The following PKP4 variants were observed in gnomAD, a reference collection of about 807,000 sequenced individuals.
PKP4 encodes plakophilin-4.
Under a neutral mutation model 145.1 loss-of-function variants are expected in PKP4, and 90 were observed. The ratio of observed to expected loss-of-function variants is 0.62; its 90% CI spans 0.52 to 0.74. The LOEUF is 0.74. Ranked by LOEUF, PKP4 falls within the 30% of genes least tolerant of loss-of-function variation. PKP4 has a pLI of 0.00. For synonymous variants in PKP4, 563 were observed against 577.2 expected (o/e 0.98, Z 0.35); for missense variants, 1,340 against 1,482.7 (o/e 0.90, Z 1.58).
chr2:158,677,371 A>G (rs2058095326), intron 20 of PKP4: 1 of 153,790 alleles, frequency 6.5e-6, no homozygotes, highest in Non-Finnish European at 1.3e-5. Flanking sequence ...TCTCAACGTG[A>G]TTATTTTTTA....
chr2:158,593,360 C>G (rs1004047043), intron 3 of PKP4, among the ~76,000 whole-genome samples: 3 of 152,104 alleles, frequency 2.0e-5, no homozygotes, highest in African/African-American at 7.2e-5. Flanking sequence ...GAAAACCTTC[C>G]TTTTCTGATT....
At position 158,599,406 on chromosome 2, in the gene PKP4, T is replaced by C. The variant is rs558226197; in HGVS notation, c.246-3664T>C. Among the ~76,000 whole-genome samples, 10 of 152,304 alleles carry C rather than the reference T, an allele frequency of 6.6e-5. No homozygotes were observed. In the South Asian group the frequency reaches 1.9e-3, roughly 28 times the overall value. On this transcript the variant is annotated intron_variant, in intron 3 of 21. Coordinates refer to ENST00000389759, the MANE Select transcript of PKP4 (RefSeq NM_003628.6). ...CCATACCCTCATGGAGGTTACACAC[T>C]AGTGGGAAGAACAAATAGTAAAATT...
intron 3 of PKP4, among the ~76,000 whole-genome samples, chr2:158,584,963 GT>G (rs1299405101): frequency 6.6e-6 from 1 of 151,650 alleles, no homozygotes; most frequent in Non-Finnish European, 1.5e-5. Flanking sequence ...ACAAATCGTA[GT>G]TTGTCTCCTG....
At chr2:158,595,944 G>A (rs139721247) in intron 3 of PKP4, among the ~76,000 whole-genome samples, 5 of 152,040 alleles carry the variant, frequency 3.3e-5, no homozygotes, top group Non-Finnish European at 7.4e-5. Context: ...AAAGCAATTT[G>A]TAATGCCTAG....
chr2:158,586,986 A>G (rs1480137082), intron 3 of PKP4, among the ~76,000 whole-genome samples: 1 of 152,226 alleles, frequency 6.6e-6, no homozygotes, highest in African/African-American at 2.4e-5. Context: ...TTTAAACAAT[A>G]TATCTTTTAT....
At chr2:158,514,257 G>A (rs528159429) in intron 1 of PKP4, among the ~76,000 whole-genome samples, 3 of 152,290 alleles carry the variant, frequency 2.0e-5, no homozygotes, top group East Asian at 1.9e-4. Context: ...CAGATGAAAA[G>A]AGTCCCTGCC....
At chr2:158,510,724 G>A (rs1322139880) in intron 1 of PKP4, among the ~76,000 whole-genome samples, 1 of 152,190 alleles carries the variant, frequency 6.6e-6, no homozygotes, top group Non-Finnish European at 1.5e-5. Context: ...GGGGTGGGGT[G>A]AGTCCACTTC....
intron 2 of PKP4, among the ~76,000 whole-genome samples, chr2:158,547,701 T>A (rs958664887): frequency 6.6e-6 from 1 of 152,214 alleles, no homozygotes. Flanking sequence ...TAAAACACAT[T>A]AACATGTTTT....
intron 3 of PKP4, chr2:158,588,804 C>CTCTGCATTTATTTTTT (rs1192903080): frequency 2.0e-5 from 3 of 152,032 alleles, no homozygotes; most frequent in Non-Finnish European, 4.4e-5. Context: ...TCTTTAGTGA[C>CTCTGCATTTATTTTTT]TCTGCATTTA....
At chr2:158,534,351 A>G (rs531244795) in intron 2 of PKP4, among the ~76,000 whole-genome samples, 2 of 152,322 alleles carry the variant, frequency 1.3e-5, no homozygotes, top group South Asian at 2.1e-4. Context: ...AAATTATTTC[A>G]GTTTATTCTA....
chr2:158,542,782 C>A (rs2044633980), intron 2 of PKP4, among the ~76,000 whole-genome samples: 1 of 152,116 alleles, frequency 6.6e-6, no homozygotes, highest in Non-Finnish European at 1.5e-5. Flanking sequence ...ACTACTACTA[C>A]CACCACCACC....
Position 158,625,213 on chromosome 2 carries a change from G to T in PKP4, c.939G>T (p.Gly313=), listed in dbSNP as rs138285022. Residue 313 remains glycine (G), a synonymous_variant, in exon 7 of 22, where the codon GGG becomes GGT. Transcript: ENST00000389759. ...AATACCAAACCACCGCCAGAGTGGG[G>T]TCCCCACTGACCCTGACGGATGCAC... ...TPQYQTTARV[G]SPLTLTDAQT... is the part of the protein sequence containing the mutation. The T allele has an allele frequency of 1.2e-5, 20 of 1,614,130 alleles. No homozygotes were observed. The highest frequency in any genetic ancestry group is 1.6e-4 in the Middle Eastern group (1 of 6,062).
At chr2:158,561,692 G>T (rs1358631200) in intron 2 of PKP4, among the ~76,000 whole-genome samples, 1 of 152,124 alleles carries the variant, frequency 6.6e-6, no homozygotes, top group Non-Finnish European at 1.5e-5. Flanking sequence ...GTCGCACTTT[G>T]TTATGATTGT....
intron 2 of PKP4, among the ~76,000 whole-genome samples, chr2:158,544,282 C>T (rs1253451903): frequency 6.6e-6 from 1 of 152,096 alleles, no homozygotes; most frequent in African/African-American, 2.4e-5. Flanking sequence ...CATCGTAAGA[C>T]TCATGAAAAT....
At chr2:158,540,833 A>G (rs1261433222) in intron 2 of PKP4, among the ~76,000 whole-genome samples, 6 of 152,278 alleles carry the variant, frequency 3.9e-5, no homozygotes, top group African/African-American at 1.4e-4. Context: ...TTTCGTTTAC[A>G]TTTGAAAATG....
At chr2:158,608,659 T>C (rs2050848532) in intron 4 of PKP4, among the ~76,000 whole-genome samples, 1 of 152,152 alleles carries the variant, frequency 6.6e-6, no homozygotes. Flanking sequence ...ATATTTTAAC[T>C]GTATAATGTT....
At chr2:158,669,615 T>G (rs1472877547) in intron 16 of PKP4, 105 bp from the exon 17 acceptor site, 5 of 874,176 alleles carry the variant, frequency 5.7e-6, no homozygotes, top group Admixed American at 5.7e-5. Flanking sequence ...TATTGTCTCT[T>G]TGGGGGTTTT....
intron 1 of PKP4, among the ~76,000 whole-genome samples, chr2:158,529,545 G>A (rs2043323724): frequency 1.3e-5 from 2 of 152,118 alleles, no homozygotes; most frequent in South Asian, 4.1e-4. Flanking sequence ...TTAATGTGCT[G>A]CCCTTATCTG....
At chr2:158,673,799 A>AT (rs2057774282) in intron 18 of PKP4, 38 bp downstream of exon 18, 2 of 1,469,844 alleles carry the variant, frequency 1.4e-6, no homozygotes, top group Admixed American at 3.3e-5. Context: ...ATTAGCATTC[A>AT]TCAGAGCACA....
Sources: allele counts gnomAD v4.1 joint callset (sites outside exome capture counted in the v4.1 genomes callset), GRCh38; gene constraint gnomAD v4.1.1; transcripts MANE v1.5; gene names NCBI Gene and HGNC (gene_info 2026-07-23, HGNC 2026-07-21).